The following PHC2 variants were observed in gnomAD, a reference collection of about 807,000 sequenced individuals.
The protein encoded by PHC2 is polyhomeotic homolog 2, also known as polyhomeotic-like protein 2.
PHC2 carries 29 observed loss-of-function variants against 87.4 expected under a neutral mutation model. The ratio of observed to expected loss-of-function variants is 0.33; its 90% confidence interval spans 0.25 to 0.45. The LOEUF (loss-of-function observed/expected upper bound fraction) is 0.45. Ranked by LOEUF, PHC2 falls within the 20% of genes least tolerant of loss-of-function variation. The probability of loss-of-function intolerance (pLI) is 1.00; values close to 1 mark genes in which losing one functional copy is unlikely to be tolerated. For missense variants in PHC2, 857 were observed against 1,136.7 expected (o/e 0.75, Z 3.54); for synonymous variants, 438 against 461.7 (o/e 0.95, Z 0.66).
chr1:33,373,147 C>T (rs12755414), intron 2 of PHC2, among the ~76,000 whole-genome samples: 26,325 of 151,966 alleles, frequency 0.17, 2,814 homozygotes, highest in South Asian at 0.27. Context: ...GATGGAGTTT[C>T]GCTCTTGTTG....
chr1:33,416,129 C>A (rs1650191792), intron 1 of PHC2, among the ~76,000 whole-genome samples: 1 of 152,030 alleles, frequency 6.6e-6, no homozygotes, highest in South Asian at 2.1e-4. Flanking sequence ...AAAAGTTTTC[C>A]AAATTTGATG....
chr1:33,416,584 G>GAAAAAAAA (rs61591207), intron 1 of PHC2, among the ~76,000 whole-genome samples: 4 of 115,834 alleles, frequency 3.5e-5, no homozygotes, highest in Non-Finnish European at 3.4e-5. Context: ...TCAAAAAAAA[G>GAAAAAAAA]AAAAAAAAAA....
Position 33,369,617 on chromosome 1 carries a change from A to C in PHC2, c.576+804T>G, listed in dbSNP as rs1378934347. 6.6e-6 allele frequency among the ~76,000 whole-genome samples: 1 copy of C among 152,154 alleles called. No individual in the cohort carries two copies. Among genetic ancestry groups the C allele is most frequent in the African/African-American group, 2.4e-5 (1 of 41,444 alleles). On this transcript the variant is annotated intron_variant, in intron 5 of 14. Transcript: ENST00000683057. The surrounding 1 kb of genome is among the most constrained non-coding windows in gnomAD (Gnocchi z 4.7). ...AACAAATGTGCGGGAGCAAGACCAG[A>C]CAAGCTCCGAGGGTCACGTCCTGGC...
intron 1 of PHC2, among the ~76,000 whole-genome samples, chr1:33,419,145 C>T (rs1442488383): frequency 1.3e-5 from 2 of 152,166 alleles, no homozygotes; most frequent in African/African-American, 4.8e-5. Context: ...TACACCAGTG[C>T]CTGGCACATA....
At chr1:33,328,375 T>TA (rs1268570907) in intron 14 of PHC2, among the ~76,000 whole-genome samples, 10 of 111,358 alleles carry the variant, frequency 9.0e-5, no homozygotes, top group Non-Finnish European at 1.2e-4. Context: ...TTTTCTTAAT[T>TA]AAATTTTTTT....
At chr1:33,357,138 C>T (rs1006600983) in intron 7 of PHC2, among the ~76,000 whole-genome samples, 5 of 152,208 alleles carry the variant, frequency 3.3e-5, no homozygotes, top group Non-Finnish European at 5.9e-5. Flanking sequence ...GAGACTTCCA[C>T]GGCTGGAGAG....
At chr1:33,407,099 T>C (rs1309704572) in intron 1 of PHC2, among the ~76,000 whole-genome samples, 1 of 152,226 alleles carries the variant, frequency 6.6e-6, no homozygotes, top group African/African-American at 2.4e-5. Context: ...TTTTTCACTT[T>C]TGTAAGTTCT....
At chr1:33,426,145 C>T (rs188947357) in intron 1 of PHC2, among the ~76,000 whole-genome samples, 52 of 152,316 alleles carry the variant, frequency 3.4e-4, no homozygotes, top group African/African-American at 1.2e-3. Context: ...AATTGGTTCT[C>T]AGTTCACTAA....
Position 33,375,562 on chromosome 1 carries a change from G to A in PHC2, c.-23C>T, listed in dbSNP as rs767393327. The A allele has an allele frequency of 6.8e-7, 1 of 1,472,076 alleles. No individual in the cohort carries two copies. Among genetic ancestry groups the A allele is most frequent in the Non-Finnish European group, 9.1e-7 (1 of 1,100,718 alleles). 91.2% of individuals were successfully genotyped at this position (1,472,076 alleles called of 1,614,324 possible). ...CATGGCCTGCAGTGTGGCGCAGTCA[G>A]GGCGCTCGGATGGCAGAAGGGCAGG... On this transcript the variant is annotated 5_prime_UTR_variant, in exon 2 of 15. Transcript: ENST00000683057.
rs1422383531 is a variant in PHC2 at position 33,332,005 on chromosome 1, G to C, written c.1891+270C>G. On this transcript the variant is annotated intron_variant, in intron 11 of 14. Coordinates refer to ENST00000683057, the MANE Select transcript of PHC2 (RefSeq NM_001385109.1). The surrounding 1 kb of genome is among the most constrained non-coding windows in gnomAD (Gnocchi z 4.2). ...TGCCTGGGGCCACTCCTACAGTCATGCCTAAAACTTGCCAATGATTCCCAC... is the reference window on the plus strand; with the variant it reads ...TGCCTGGGGCCACTCCTACAGTCATCCCTAAAACTTGCCAATGATTCCCAC... 2.6e-5 allele frequency among the ~76,000 whole-genome samples: 4 copies of C among 152,246 alleles called. No homozygotes were observed. The highest frequency in any genetic ancestry group is 9.6e-5 in the African/African-American group (4 of 41,462).
intron 1 of PHC2, among the ~76,000 whole-genome samples, chr1:33,420,489 T>C (rs1159386771): frequency 6.6e-6 from 1 of 152,206 alleles, no homozygotes; most frequent in East Asian, 1.9e-4. Context: ...CCACAGGTAC[T>C]GGAACTCAAA....
rs758291648 is a variant in PHC2, at chr1:33,372,346, C to T, written c.276G>A (p.Ala92=). 19 of 1,603,626 alleles carry T rather than the reference C, an allele frequency of 1.2e-5. No individual in the cohort carries two copies. Among genetic ancestry groups the T allele is most frequent in the African/African-American group, 4.0e-5 (3 of 74,588 alleles). Residue 92 remains alanine, a synonymous_variant, in exon 3 of 15, where the codon GCG becomes GCA. Transcript: ENST00000683057. ...CGCTGCTGAGGTGCTGCTGCTGGAG[C>T]GCCGCGGTCTGCAGCATGAGGTGCT... ...QQQHLMLQTA[A]LQQQHLSSAQ... is the part of the protein sequence containing the mutation.
At chr1:33,394,238 C>T (rs1570505825) in intron 1 of PHC2, among the ~76,000 whole-genome samples, 1 of 151,946 alleles carries the variant, frequency 6.6e-6, no homozygotes, top group East Asian at 1.9e-4. Flanking sequence ...GATCTTTTGA[C>T]TCAAGTGAAC....
intron 1 of PHC2, among the ~76,000 whole-genome samples, chr1:33,411,787 C>T (rs1286907463): frequency 4.6e-5 from 7 of 152,140 alleles, no homozygotes; most frequent in Admixed American, 4.6e-4. Flanking sequence ...TCTCCATCTC[C>T]TGTCCTCATG....
At chr1:33,374,043 C>T (rs908502607) in intron 2 of PHC2, among the ~76,000 whole-genome samples, 7 of 152,176 alleles carry the variant, frequency 4.6e-5, no homozygotes, top group African/African-American at 1.7e-4. Context: ...CACCCCTCTC[C>T]GATACCCTGT....
At chr1:33,427,092 C>G (rs1650704186) in intron 1 of PHC2, among the ~76,000 whole-genome samples, 1 of 152,174 alleles carries the variant, frequency 6.6e-6, no homozygotes, top group African/African-American at 2.4e-5. Context: ...GGATCCAAAT[C>G]CCATCTGTGC....
At chr1:33,370,242 TTCGAGGCTGTACCAAAGC>T (rs1647737300) in intron 5 of PHC2, among the ~76,000 whole-genome samples, 161 bp downstream of exon 5, 1 of 152,150 alleles carries the variant, frequency 6.6e-6, no homozygotes, top group Non-Finnish European at 1.5e-5. Context: ...TTCATGACTC[TTCGAGGCTGTACCAAAGC>T]TCCCACTCAG....
At chr1:33,356,360 T>C (rs1268715871) in intron 7 of PHC2, among the ~76,000 whole-genome samples, 10 of 149,396 alleles carry the variant, frequency 6.7e-5, no homozygotes, top group Admixed American at 6.7e-4. Context: ...GGCAGGGTCA[T>C]AGGACAATAG....
At chr1:33,371,942 ACAATGGG>A (rs1557838078) in intron 3 of PHC2, among the ~76,000 whole-genome samples, 1 of 152,256 alleles carries the variant, frequency 6.6e-6, no homozygotes, top group Non-Finnish European at 1.5e-5. Flanking sequence ...AGAGAGAGCA[ACAATGGG>A]CAGACAAGCT....
Sources: allele counts gnomAD v4.1 joint callset (sites outside exome capture counted in the v4.1 genomes callset), GRCh38; gene constraint gnomAD v4.1.1; non-coding constraint Gnocchi (gnomAD v3.1); transcripts MANE v1.5; gene names NCBI Gene and HGNC (gene_info 2026-07-23, HGNC 2026-07-21).